The following TOX4 variants were observed in gnomAD, a reference collection of about 807,000 sequenced individuals.
TOX4 encodes the protein epidermal Langerhans cell protein LCP1.
In TOX4, 12 loss-of-function variants were observed where a neutral mutation model predicts 61.0. That is an observed-to-expected ratio of 0.20 (90% CI 0.13 to 0.32). The LOEUF is 0.32. Ranked by LOEUF, TOX4 falls within the 10% of genes least tolerant of loss-of-function variation. The probability of loss-of-function intolerance (pLI) is 1.00; values close to 1 mark genes in which losing one functional copy is unlikely to be tolerated. For synonymous variants in TOX4, 268 were observed against 274.8 expected (o/e 0.98, Z 0.24); for missense variants, 499 against 753.3 (o/e 0.66, Z 3.95).
intron 2 of TOX4, among the ~76,000 whole-genome samples, chr14:21,478,838 C>G (rs1891057740): frequency 6.6e-6 from 1 of 151,640 alleles, no homozygotes; most frequent in Non-Finnish European, 1.5e-5. Flanking sequence ...GACAGTCTCC[C>G]TGTAGCCCAG....
intron 5 of TOX4, among the ~76,000 whole-genome samples, chr14:21,489,986 A>G (rs1891257762): frequency 6.6e-6 from 1 of 151,344 alleles, no homozygotes; most frequent in African/African-American, 2.4e-5. Context: ...GTTCGAGACC[A>G]TCCTGGGCAA....
rs1295536309 is a variant in TOX4 at position 21,485,126 on chromosome 14, G to A, written c.76-2325G>A. The stretch of plus-strand genomic sequence containing the variant: ...CTACAAAAAATGCAAAAATTAGCCT[G>A]GCGTCATGGCCAGGCGTGGTGGCTC... On this transcript the variant is annotated intron_variant, in intron 2 of 8. Transcript: ENST00000448790. 3.7e-5 allele frequency among the ~76,000 whole-genome samples: 4 copies of A among 107,280 alleles called. 2 individuals carry two copies. The highest frequency in any genetic ancestry group is 1.4e-4 in the African/African-American group (4 of 28,668). The allele number at this position is 107,280 out of a possible 152,430, so 70.4% of individuals were successfully genotyped here.
At chr14:21,478,424 T>G (rs1251244110) in intron 2 of TOX4, among the ~76,000 whole-genome samples, 6 of 152,248 alleles carry the variant, frequency 3.9e-5, no homozygotes, top group Admixed American at 3.9e-4. Flanking sequence ...TGTCACAGTT[T>G]CCCCAGCTGT....
Position 21,488,753 on chromosome 14 carries a change from C to G in TOX4, c.482C>G (p.Thr161Ser). The change falls in exon 4 of 9, where the codon ACC (threonine) becomes AGC (serine). Residue 161 changes from threonine (T) to serine (S), a missense_variant. Thr to Ser is a moderately conservative substitution (Grantham distance 58). Transcript: ENST00000448790. ...SQLGLSLGGGTILPPAQSPED... is the reference protein window; with the variant it reads ...SQLGLSLGGGSILPPAQSPED... ...CTGGGTTTGAGCCTAGGGGGTGGCA[C>G]CATCCTGCCACCTGCCCAGTCACCT... 6 of 1,614,200 alleles carry G rather than the reference C, an allele frequency of 3.7e-6. No individual in the cohort carries two copies. The highest frequency in any genetic ancestry group is 5.1e-6 in the Non-Finnish European group (6 of 1,180,034).
chr14:21,495,529 G>A (rs566536499), intron 8 of TOX4, 137 bp downstream of exon 8: 1 of 997,192 alleles, frequency 1.0e-6, no homozygotes, highest in East Asian at 2.7e-5. Flanking sequence ...TGGTCTACTA[G>A]AAAAGCTCCC....
rs764107867 is a variant in TOX4, at chr14:21,488,639, C to G, written c.368C>G (p.Thr123Arg). Reference protein sequence around the residue: ...GTQYSANPPVTIDVPMTDMTS... With the variant: ...GTQYSANPPVRIDVPMTDMTS... Reference sequence around the variant, plus strand: ...CAGTATAGTGCCAACCCACCTGTTACAATTGATGTACCAATGACAGACATG... The same window carrying G: ...CAGTATAGTGCCAACCCACCTGTTAGAATTGATGTACCAATGACAGACATG... Residue 123 changes from threonine (T) to arginine (R), a missense_variant, in exon 4 of 9, where the codon ACA becomes AGA. Transcript: ENST00000448790. The G allele has an allele frequency of 9.9e-6, 16 of 1,613,994 alleles. No homozygotes were observed. Among genetic ancestry groups the G allele is most frequent in the East Asian group, 2.2e-5 (1 of 44,900 alleles).
intron 5 of TOX4, among the ~76,000 whole-genome samples, chr14:21,490,462 T>C (rs1172976502): frequency 6.6e-6 from 1 of 151,864 alleles, no homozygotes; most frequent in African/African-American, 2.4e-5. Flanking sequence ...GCAACAAGAG[T>C]GAAACTCCAT....
Position 21,493,177 on chromosome 14 carries a change from A to AGGCCCAT in TOX4, c.1561_1562insGGCCCAT (p.Asn521ArgfsTer7). On this transcript the variant is annotated frameshift_variant, in exon 7 of 9. Transcript: ENST00000448790. LOFTEE classifies it high-confidence loss of function. ...GGAAAGTAGTCCTGAGCGGCCTATG[A>AGGCCCAT]ACAACAGCCCTGAGGCCCATACAGT... 6.2e-7 allele frequency: 1 copy of AGGCCCAT among 1,614,158 alleles called. No homozygotes were observed. Among genetic ancestry groups the AGGCCCAT allele is most frequent in the Non-Finnish European group, 8.5e-7 (1 of 1,180,012 alleles).
intron 5 of TOX4, 192 bp from the exon 6 acceptor site, chr14:21,492,104 G>A (rs1011166107): frequency 9.1e-6 from 5 of 550,114 alleles, no homozygotes; most frequent in Admixed American, 3.3e-5. Context: ...TCTTTCAGAG[G>A]TATGCTCAGT....
intron 2 of TOX4, among the ~76,000 whole-genome samples, chr14:21,478,232 C>T (rs1891040056): frequency 6.6e-6 from 1 of 152,226 alleles, no homozygotes; most frequent in East Asian, 1.9e-4. Flanking sequence ...GCCATTGCGC[C>T]CGGCCTAAAT....
intron 5 of TOX4, chr14:21,492,025 AAAAATAAAATAAATGTAGC>A (rs936353352): frequency 7.8e-6 from 2 of 256,102 alleles, no homozygotes; most frequent in African/African-American, 2.3e-5. Context: ...AAAATTTAAA[AAAAATAAAATAAATGTAGC>A]AAAATAAAAT....
Position 21,496,954 on chromosome 14 carries a change from C to G in TOX4, c.*348C>G. On this transcript the variant is annotated 3_prime_UTR_variant, in exon 9 of 9. Transcript: ENST00000448790. ...CTTGCCTAAAATATTATTAAAATTA[C>G]GGGAGTGTACTCAGCTTTGAGCCTA... The G allele has an allele frequency of 4.4e-6, 1 of 224,812 alleles. No individual in the cohort carries two copies. The highest frequency in any genetic ancestry group is 9.0e-6 in the Non-Finnish European group (1 of 111,658). The allele number at this position is 224,812 out of a possible 1,614,324, so 13.9% of individuals were successfully genotyped here.
chr14:21,487,339 A>T (rs1023068754), intron 2 of TOX4, 112 bp from the exon 3 acceptor site: 14 of 1,400,652 alleles, frequency 1.0e-5, no homozygotes, highest in Non-Finnish European at 1.3e-5. Context: ...ATAGGATCCT[A>T]AGCAGAAAAA....
intron 2 of TOX4, among the ~76,000 whole-genome samples, chr14:21,483,590 T>C (rs1891144060): frequency 6.6e-6 from 1 of 151,834 alleles, no homozygotes; most frequent in South Asian, 2.1e-4. Flanking sequence ...GGTGGGAAGA[T>C]CACTTGAGCC....
chr14:21,494,810 T>C (rs1405928171), intron 7 of TOX4, among the ~76,000 whole-genome samples: 2 of 151,186 alleles, frequency 1.3e-5, no homozygotes, highest in Non-Finnish European at 2.9e-5. Context: ...TCCCAGCTAC[T>C]TGGGAGGCTG....
chr14:21,479,602 T>G (rs7157961), intron 2 of TOX4, among the ~76,000 whole-genome samples: 1 of 152,090 alleles, frequency 6.6e-6, no homozygotes, highest in African/African-American at 2.4e-5. Flanking sequence ...GAGCCGAGAT[T>G]GCGCCATTGT....
chr14:21,493,908 C>T (rs1429307897), intron 7 of TOX4, among the ~76,000 whole-genome samples: 8 of 152,106 alleles, frequency 5.3e-5, no homozygotes, highest in African/African-American at 1.7e-4. Flanking sequence ...CACCACTACA[C>T]CCAGCTAATT....
At position 21,489,346 on chromosome 14, in the gene TOX4, T is replaced by A; in HGVS notation, c.753T>A (p.Gly251=). 1 of 1,614,196 alleles carries A rather than the reference T, an allele frequency of 6.2e-7. No individual in the cohort carries two copies. The highest frequency in any genetic ancestry group is 8.5e-7 in the Non-Finnish European group (1 of 1,180,028). ...GACAGAATCCTAATGCCACTTTTGGTGAGGTTTCAAAAATTGTGGCCTCCA... is the reference window on the plus strand; with the variant it reads ...GACAGAATCCTAATGCCACTTTTGGAGAGGTTTCAAAAATTGTGGCCTCCA... ...IKGQNPNATF[G]EVSKIVASMW... The change falls in exon 5 of 9, where the codon GGT becomes GGA. Residue 251 remains glycine (G), a synonymous_variant. Coordinates refer to ENST00000448790, the MANE Select transcript of TOX4 (RefSeq NM_014828.4).
chr14:21,495,384 G>T lies in TOX4; in HGVS notation c.1797G>T (p.Lys599Asn), dbSNP rs781629606. 9 of 1,613,206 alleles carry T rather than the reference G, an allele frequency of 5.6e-6. No individual in the cohort carries two copies. The highest frequency in any genetic ancestry group is 7.6e-6 in the Non-Finnish European group (9 of 1,179,516). The stretch of plus-strand genomic sequence containing the variant: ...ACTGCAGCAATGAGTGTGTGGTGAA[G>T]CACTGCAGGTGAGCTTACAGTTCTC... ...NEYCSNECVV[K>N]HCRDVFLAWV... The change falls in exon 8 of 9, where the codon AAG (lysine) becomes AAT (asparagine). Residue 599 changes from lysine (K) to asparagine (N), a missense_variant. Around this residue, in one of 7 missense-constraint regions of TOX4, gnomAD observed 296 missense variants for 404.7 expected, o/e 0.73. Coordinates refer to ENST00000448790, the MANE Select transcript of TOX4 (RefSeq NM_014828.4).
Sources: allele counts gnomAD v4.1 joint callset (sites outside exome capture counted in the v4.1 genomes callset), GRCh38; gene constraint gnomAD v4.1.1; regional missense constraint gnomAD v4.1.1; transcripts MANE v1.5; gene names NCBI Gene and HGNC (gene_info 2026-07-23, HGNC 2026-07-21).